The following CLTB variants were observed in gnomAD, a reference collection of about 807,000 sequenced individuals.
CLTB encodes the protein clathrin light chain B, also known as clathrin, light chain (Lcb).
In CLTB, 10 loss-of-function variants were observed where a neutral mutation model predicts 30.5. That is an observed-to-expected ratio of 0.33 (90% CI 0.20 to 0.56). CLTB has a LOEUF of 0.56. CLTB is among the 20% of genes least tolerant of loss of function. The pLI is 0.91. For synonymous variants in CLTB, 102 were observed against 120.3 expected (o/e 0.85, Z 1.00); for missense variants, 261 against 308.3 (o/e 0.85, Z 1.15).
chr5:176,392,987 T>C lies in CLTB; in HGVS notation c.519-42A>G. 6.2e-7 allele frequency: 1 copy of C among 1,611,402 alleles called. No homozygotes were observed. Among genetic ancestry groups the C allele is most frequent in the Non-Finnish European group, 8.5e-7 (1 of 1,177,910 alleles). On this transcript the variant is annotated intron_variant, in intron 5 of 5. Coordinates refer to ENST00000310418, the MANE Select transcript of CLTB (RefSeq NM_007097.5). This position sits in a 1 kb window ranked among gnomAD's most constrained non-coding sequence, Gnocchi z 5.2. ...GACGGGCTTTTATAGCAGTCTGCTT[T>C]CCCCCAGCCTTGCCCTTGAGCAAGG...
chr5:176,409,148 G>A (rs972498043), intron 2 of CLTB, among the ~76,000 whole-genome samples: 5 of 151,840 alleles, frequency 3.3e-5, no homozygotes, highest in Admixed American at 3.3e-4. Context: ...AGCTAATTTT[G>A]TATTTTTAGT....
chr5:176,399,152 CCTTA>C (rs1370575743), intron 2 of CLTB, among the ~76,000 whole-genome samples: 2 of 152,012 alleles, frequency 1.3e-5, no homozygotes, highest in East Asian at 3.9e-4. Context: ...CCCAAAAGGA[CCTTA>C]CTTTATAATG....
chr5:176,413,429 G>A (rs573905121), intron 1 of CLTB, among the ~76,000 whole-genome samples: 1 of 152,350 alleles, frequency 6.6e-6, no homozygotes, highest in African/African-American at 2.4e-5. Context: ...CTGATGAATG[G>A]AAACAAAGTG....
intron 2 of CLTB, among the ~76,000 whole-genome samples, chr5:176,404,056 A>C (rs552569304): frequency 1.2e-4 from 19 of 152,162 alleles, no homozygotes; most frequent in Middle Eastern, 3.2e-3. Context: ...CACCCAGCCA[A>C]GTTTTATTCT....
At chr5:176,402,710 G>A (rs746541673) in intron 2 of CLTB, among the ~76,000 whole-genome samples, 1 of 152,182 alleles carries the variant, frequency 6.6e-6, no homozygotes, top group African/African-American at 2.4e-5. Flanking sequence ...GGACAGGGAC[G>A]AGCAAGACAC....
chr5:176,408,168 G>A (rs1316799718), intron 2 of CLTB, among the ~76,000 whole-genome samples: 1 of 151,990 alleles, frequency 6.6e-6, no homozygotes, highest in Non-Finnish European at 1.5e-5. Context: ...GGGGAAGAGA[G>A]TTAGGTGGGT....
chr5:176,411,865 C>A (rs1410635851), intron 1 of CLTB, among the ~76,000 whole-genome samples: 1 of 152,154 alleles, frequency 6.6e-6, no homozygotes, highest in African/African-American at 2.4e-5. Flanking sequence ...TGCTTTCTTC[C>A]TGCTTCCCTC....
At chr5:176,396,227 G>A (rs1429291235) in intron 5 of CLTB, among the ~76,000 whole-genome samples, 2 of 151,860 alleles carry the variant, frequency 1.3e-5, no homozygotes, top group Non-Finnish European at 2.9e-5. Context: ...CCTCCCACAT[G>A]GGAATAAGTG....
At chr5:176,398,896 G>A (rs1306517966) in intron 2 of CLTB, among the ~76,000 whole-genome samples, 1 of 151,632 alleles carries the variant, frequency 6.6e-6, no homozygotes, top group Non-Finnish European at 1.5e-5. Flanking sequence ...AGGCTGGAGT[G>A]CAATGGTGCA....
intron 2 of CLTB, among the ~76,000 whole-genome samples, chr5:176,409,293 G>GAA (rs34356476): frequency 7.8e-4 from 80 of 103,040 alleles, no homozygotes; most frequent in Middle Eastern, 4.8e-3. Context: ...TTTTAAAATT[G>GAA]AAAAAAAAAA....
intron 1 of CLTB, among the ~76,000 whole-genome samples, chr5:176,412,432 C>G (rs1051530332): frequency 2.0e-5 from 3 of 152,122 alleles, no homozygotes; most frequent in African/African-American, 7.2e-5. Context: ...GGCTCCAGCA[C>G]GGAATGGGTG....
Position 176,393,209 on chromosome 5 carries a change from C to T in CLTB, c.519-264G>A, listed in dbSNP as rs1756335664. Among the ~76,000 whole-genome samples, 1 of 152,160 alleles carries T rather than the reference C, an allele frequency of 6.6e-6. No homozygotes were observed. Among genetic ancestry groups the T allele is most frequent in the Non-Finnish European group, 1.5e-5 (1 of 68,028 alleles). On this transcript the variant is annotated intron_variant, in intron 5 of 5. Transcript: ENST00000310418. This position sits in a 1 kb window ranked among gnomAD's most constrained non-coding sequence, Gnocchi z 4.4. The stretch of plus-strand genomic sequence containing the variant: ...GCTTGCTGCTTCTTGTCATTCAGGT[C>T]TCAGTGCGGGCCTCACCTCCTCAGA...
chr5:176,404,420 C>T (rs1036512197), intron 2 of CLTB, among the ~76,000 whole-genome samples: 2 of 152,202 alleles, frequency 1.3e-5, no homozygotes, highest in African/African-American at 2.4e-5. Context: ...GGCAGCGGAG[C>T]GGAGCCTCTA....
intron 1 of CLTB, among the ~76,000 whole-genome samples, chr5:176,412,521 T>C (rs926024817): frequency 3.3e-5 from 5 of 152,204 alleles, no homozygotes; most frequent in Admixed American, 2.0e-4. Flanking sequence ...CAGAAACTGC[T>C]GTGCCTCCTA....
At chr5:176,406,714 G>A (rs1269240770) in intron 2 of CLTB, 1 of 1,284,502 alleles carries the variant, frequency 7.8e-7, no homozygotes. Flanking sequence ...ACGGGCTGCA[G>A]AAAAGAGGAA....
chr5:176,414,163 C>T (rs1310323839), intron 1 of CLTB, among the ~76,000 whole-genome samples: 2 of 152,170 alleles, frequency 1.3e-5, no homozygotes, highest in Non-Finnish European at 2.9e-5. Flanking sequence ...AGGCCTCCCT[C>T]CTCTTCCCTG....
intron 2 of CLTB, among the ~76,000 whole-genome samples, chr5:176,398,410 G>A (rs1049387826): frequency 1.3e-5 from 2 of 152,116 alleles, no homozygotes; most frequent in Non-Finnish European, 1.5e-5. Flanking sequence ...AGGATGAAAT[G>A]AGTTAAAAAT....
At chr5:176,402,936 G>A (rs1756898090) in intron 2 of CLTB, among the ~76,000 whole-genome samples, 1 of 152,194 alleles carries the variant, frequency 6.6e-6, no homozygotes, top group African/African-American at 2.4e-5. Flanking sequence ...TTTGGGAAAT[G>A]GATACACAGA....
intron 1 of CLTB, among the ~76,000 whole-genome samples, chr5:176,414,430 A>G (rs546786477): frequency 2.9e-5 from 4 of 136,068 alleles, no homozygotes; most frequent in African/African-American, 1.1e-4. Context: ...CTGCTATAGA[A>G]TCTTTTTTTT....
Sources: gnomAD v4.1 joint callset for allele counts (sites outside exome capture counted in the v4.1 genomes callset) on GRCh38, gnomAD v4.1.1 for gene constraint, Gnocchi (gnomAD v3.1) non-coding constraint, MANE v1.5 for transcripts, NCBI Gene and HGNC (gene_info 2026-07-23, HGNC 2026-07-21) for gene names.